Variants in ADAMTS7 observed in about 807,000 individuals in gnomAD.
ADAMTS7 encodes A disintegrin and metalloproteinase with thrombospondin motifs 7.
In ADAMTS7, 89 loss-of-function variants were observed where a neutral mutation model predicts 172.6. The observed-to-expected ratio is 0.52, with a 90% CI of 0.43 to 0.61. The LOEUF (loss-of-function observed/expected upper bound fraction) is 0.61. ADAMTS7 is among the 20% of genes least tolerant of loss of function. The probability of loss-of-function intolerance (pLI) is 0.00; values close to 1 mark genes in which losing one functional copy is unlikely to be tolerated. For synonymous variants in ADAMTS7, 885 were observed against 978.4 expected, an observed-to-expected ratio of 0.90 and a Z score of 1.78; for missense variants, 1,973 against 2,355.6, an observed-to-expected ratio of 0.84 and a Z score of 3.36.
In ADAMTS7 at chr15:78,774,222, G is replaced by A. The variant is rs2055299648; in HGVS notation, c.1955C>T (p.Thr652Ile). 1.3e-6 allele frequency: 2 copies of A among 1,589,194 alleles called. No individual in the cohort carries two copies. Among genetic ancestry groups the A allele is most frequent in the East Asian group, 2.2e-5 (1 of 44,516 alleles). The change falls in exon 13 of 24, where the codon ACC (threonine) becomes ATC (isoleucine). Residue 652 changes from threonine (T) to isoleucine (I), a missense_variant. Coordinates refer to ENST00000388820, the MANE Select transcript of ADAMTS7 (RefSeq NM_014272.5). The stretch of plus-strand genomic sequence containing the variant: ...GCTGGCTCGGACCTGGTAGCAGGGG[G>A]TGCCATCGACCACGGCGTCCCGCAG... ...EKLRDAVVDG[T>I]PCYQVRASRD...
In ADAMTS7 at chr15:78,789,680, G is replaced by A. The variant is rs780433133; in HGVS notation, c.1178+9C>T. The A allele has an allele frequency of 1.2e-6, 2 of 1,613,594 alleles. No individual in the cohort carries two copies. The highest frequency in any genetic ancestry group is 1.7e-6 in the Non-Finnish European group (2 of 1,179,920). ...GCTCTCAGTGTAGCAATGGGGGCAG[G>A]CACAGTACCTGTGCCCGAGCTCGTG... On this transcript the variant is annotated intron_variant, in intron 7 of 23. Coordinates refer to ENST00000388820, the MANE Select transcript of ADAMTS7 (RefSeq NM_014272.5).
chr15:78,768,921 G>A (rs1381266803), intron 16 of ADAMTS7, among the ~76,000 whole-genome samples: 1 of 152,208 alleles, frequency 6.6e-6, no homozygotes, highest in Admixed American at 6.5e-5. Context: ...TCCTTCCCGG[G>A]GCTGGCTTGG....
At position 78,811,147 on chromosome 15, in the gene ADAMTS7, G is replaced by A. The variant is rs1412859831; in HGVS notation, c.74C>T (p.Ala25Val). 2.4e-6 allele frequency: 3 copies of A among 1,230,194 alleles called. No homozygotes were observed. Among genetic ancestry groups the A allele is most frequent in the Non-Finnish European group, 2.0e-6 (2 of 986,938 alleles). 76.2% of individuals were successfully genotyped at this position (1,230,194 alleles called of 1,614,324 possible). A position where few individuals can be genotyped will look rare whatever the true frequency, so the allele number is the denominator to read the frequency against. ...TGGTGCGGGTCCGGGGGCGCCGGGA[G>A]CCAGAGCGCAGAGGAGCAGGAGGAG... ...RPLLLLLCAL[A>V]PGAPGPAPGR... The change falls in exon 1 of 24, where the codon GCT becomes GTT. Residue 25 changes from alanine (A) to valine (V), a missense_variant. Coordinates refer to ENST00000388820, the MANE Select transcript of ADAMTS7 (RefSeq NM_014272.5).
chr15:78,773,710 G>T (rs1360382769), intron 13 of ADAMTS7, among the ~76,000 whole-genome samples: 1 of 152,058 alleles, frequency 6.6e-6, no homozygotes, highest in African/African-American at 2.4e-5. Flanking sequence ...AATAGAAATT[G>T]TTACCACACA....
chr15:78,789,813 G>T lies in ADAMTS7; in HGVS notation c.1054C>A (p.Arg352=), dbSNP rs1378142680. The change falls in exon 7 of 24, where the codon CGG becomes AGG. Residue 352 remains arginine (R), a synonymous_variant. Coordinates refer to ENST00000388820, the MANE Select transcript of ADAMTS7 (RefSeq NM_014272.5). The stretch of plus-strand genomic sequence containing the variant: ...GACAGTCCCAGGGTCTCACAGGGCC[G>T]GTTCATGGCTGCACACAGGTCCTTT... ...TRKDLCAAMN[R]PCETLGLSHV... The T allele has an allele frequency of 1.9e-6, 3 of 1,601,458 alleles. No individual in the cohort carries two copies. Among genetic ancestry groups the T allele is most frequent in the African/African-American group, 1.3e-5 (1 of 74,972 alleles).
chr15:78,788,102 C>A, intron 8 of ADAMTS7, 129 bp downstream of exon 8: 1 of 1,281,494 alleles, frequency 7.8e-7, no homozygotes, highest in Non-Finnish European at 1.1e-6. Context: ...TAGACCTTGA[C>A]CTCATGTATC....
chr15:78,777,516 G>A lies in ADAMTS7; in HGVS notation c.1395C>T (p.Gly465=), dbSNP rs377659471. Residue 465 remains glycine, a synonymous_variant, in exon 9 of 24, where the codon GGC becomes GGT. Transcript: ENST00000388820. ...DIIDFPSVPP[G]VLYDVSHQCR... Reference sequence around the variant, plus strand: ...ACTGGTGGCTTACATCATAGAGGACGCCAGGTGGCACCGAGGGGAAGTCGA... The same window carrying A: ...ACTGGTGGCTTACATCATAGAGGACACCAGGTGGCACCGAGGGGAAGTCGA... 36 of 1,611,248 alleles carry A rather than the reference G, an allele frequency of 2.2e-5. No individual in the cohort carries two copies. Among genetic ancestry groups the A allele is most frequent in the Admixed American group, 1.3e-4 (8 of 59,726 alleles).
intron 1 of ADAMTS7, 138 bp from the exon 2 acceptor site, chr15:78,800,685 A>G (rs1443886472): frequency 2.7e-6 from 2 of 746,404 alleles, no homozygotes; most frequent in Non-Finnish European, 2.2e-6. Flanking sequence ...CGGGCTATCT[A>G]CTAACTCTGC....
intron 12 of ADAMTS7, 91 bp from the exon 13 acceptor site, chr15:78,774,391 C>A: frequency 6.9e-7 from 1 of 1,455,842 alleles, no homozygotes; most frequent in Non-Finnish European, 9.1e-7. Context: ...ACATCCATGG[C>A]AGGCTGGAGG....
chr15:78,791,236 T>TG lies in ADAMTS7; in HGVS notation c.820-14dup, dbSNP rs750946501. ...ACAGGCCAGCCACCTGCCCAAGAGA[T>TG]GGGGGGGTCAGGTTGTCACGAGGAT... On this transcript the variant is annotated splice_polypyrimidine_tract_variant and intron_variant, in intron 4 of 23. Transcript: ENST00000388820. 21 of 1,608,732 alleles carry TG rather than the reference T, an allele frequency of 1.3e-5. No individual in the cohort carries two copies. In the Middle Eastern group the frequency reaches 7.0e-4, roughly 53 times the overall value.
At chr15:78,788,805 C>G (rs1187728178) in intron 7 of ADAMTS7, among the ~76,000 whole-genome samples, 1 of 152,250 alleles carries the variant, frequency 6.6e-6, no homozygotes, top group South Asian at 2.1e-4. Flanking sequence ...TGCTGTATCA[C>G]AGAAAGGTCT....
Position 78,766,662 on chromosome 15 carries a change from C to T in ADAMTS7, c.3249G>A (p.Glu1083=), listed in dbSNP as rs571747811. The T allele has an allele frequency of 2.5e-4, 398 of 1,610,642 alleles. No individual in the cohort carries two copies. The highest frequency in any genetic ancestry group is 1.5e-3 in the African/African-American group (116 of 74,984). Reference sequence around the variant, plus strand: ...CTGTCCCCGCCAGGTCTAGATCGGGCTCCTCAGAGGGCCCGTAGGACAGAT... The same window carrying T: ...CTGTCCCCGCCAGGTCTAGATCGGGTTCCTCAGAGGGCCCGTAGGACAGAT... ...HEDLSYGPSE[E]PDLDLAGTGD... Residue 1083 remains glutamate (E), a synonymous_variant, in exon 19 of 24, where the codon GAG becomes GAA. Transcript: ENST00000388820.
intron 11 of ADAMTS7, among the ~76,000 whole-genome samples, 155 bp from the exon 12 acceptor site, chr15:78,774,948 C>A (rs920663847): frequency 6.6e-6 from 1 of 152,198 alleles, no homozygotes; most frequent in African/African-American, 2.4e-5. Flanking sequence ...GCTGCCCACC[C>A]TCTGGCCCAG....
At position 78,765,782 on chromosome 15, in the gene ADAMTS7, G is replaced by A. The variant is rs776917663; in HGVS notation, c.4129C>T (p.Pro1377Ser). The A allele has an allele frequency of 2.2e-5, 35 of 1,608,436 alleles. No homozygotes were observed. The South Asian group carries it at 3.9e-4, about 18-fold the overall frequency. ...VPLSSRLLSTPAWDSPANSHR... is the reference protein window; with the variant it reads ...VPLSSRLLSTSAWDSPANSHR... The stretch of plus-strand genomic sequence containing the variant: ...CTGTTGGCGGGGCTGTCCCAAGCTG[G>A]TGTGGACAGCAGCCTAGAGCTCAGG... The change falls in exon 19 of 24, where the codon CCA becomes TCA. Residue 1377 changes from proline (P) to serine (S), a missense_variant. Physicochemically the swap from Pro to Ser is moderately conservative, Grantham distance 74 (BLOSUM62 -1). Around this residue, in one of 8 missense-constraint regions of ADAMTS7, gnomAD observed 771 missense variants for 952.6 expected, o/e 0.81. Coordinates refer to ENST00000388820, the MANE Select transcript of ADAMTS7 (RefSeq NM_014272.5).
Position 78,811,138 on chromosome 15 carries a change from G to T in ADAMTS7, c.83C>A (p.Ala28Asp), listed in dbSNP as rs1411060861. 1.6e-6 allele frequency: 2 copies of T among 1,230,068 alleles called. No individual in the cohort carries two copies. Among genetic ancestry groups the T allele is most frequent in the East Asian group, 6.3e-5 (2 of 31,596 alleles). The allele number at this position is 1,230,068 out of a possible 1,614,324, so 76.2% of individuals were successfully genotyped here. The change falls in exon 1 of 24, where the codon GCC becomes GAC. Residue 28 changes from alanine to aspartate, a missense_variant. Physicochemically the swap from Ala to Asp is moderately radical, Grantham distance 126. Coordinates refer to ENST00000388820, the MANE Select transcript of ADAMTS7 (RefSeq NM_014272.5). Reference sequence around the variant, plus strand: ...ACACCCACCTGGTGCGGGTCCGGGGGCGCCGGGAGCCAGAGCGCAGAGGAG... The same window carrying T: ...ACACCCACCTGGTGCGGGTCCGGGGTCGCCGGGAGCCAGAGCGCAGAGGAG... ...LLLLCALAPGAPGPAPGRATE... is the reference protein window; with the variant it reads ...LLLLCALAPGDPGPAPGRATE...
Position 78,800,495 on chromosome 15 carries a change from G to A in ADAMTS7, c.153C>T (p.Val51=). 6.2e-7 allele frequency: 1 copy of A among 1,608,526 alleles called. No individual in the cohort carries two copies. The highest frequency in any genetic ancestry group is 8.5e-7 in the Non-Finnish European group (1 of 1,178,082). The change falls in exon 2 of 24, where the codon GTC becomes GTT. Residue 51 remains valine (V), a synonymous_variant. Coordinates refer to ENST00000388820, the MANE Select transcript of ADAMTS7 (RefSeq NM_014272.5). ...AGGACAGGAAGGAGCCCCCCGCGTC[G>A]ACTCGAACCGGGTGCACGATGTCCA... ...AALDIVHPVR[V]DAGGSFLSYE...
intron 23 of ADAMTS7, among the ~76,000 whole-genome samples, chr15:78,760,005 G>T (rs191940676): frequency 0.027 from 4,066 of 152,052 alleles, 62 homozygotes; most frequent in South Asian, 0.051. Context: ...TCCCGCCACC[G>T]CCCCCTGCCC....
intron 8 of ADAMTS7, among the ~76,000 whole-genome samples, chr15:78,782,273 C>T (rs992036786): frequency 2.6e-5 from 4 of 152,188 alleles, no homozygotes; most frequent in East Asian, 1.9e-4. Flanking sequence ...TCAAGGGATC[C>T]GCCTGCCTCA....
At chr15:78,794,688 C>T (rs1327044846) in intron 4 of ADAMTS7, among the ~76,000 whole-genome samples, 1 of 152,180 alleles carries the variant, frequency 6.6e-6, no homozygotes, top group African/African-American at 2.4e-5. Flanking sequence ...TTATGGGGTA[C>T]CTGTTGGGTT....
Sources: gnomAD v4.1 joint callset for allele counts (sites outside exome capture counted in the v4.1 genomes callset) on GRCh38, gnomAD v4.1.1 for gene constraint, gnomAD v4.1.1 regional missense constraint, MANE v1.5 for transcripts, NCBI Gene and HGNC (gene_info 2026-07-23, HGNC 2026-07-21) for gene names.